Variants in CD3E observed in about 807,000 individuals in gnomAD.
The protein encoded by CD3E is CD3 epsilon subunit of T-cell receptor complex, also known as T-cell surface glycoprotein CD3 epsilon chain.
Under a neutral mutation model 34.7 loss-of-function variants are expected in CD3E, and 16 were observed. The ratio of observed to expected loss-of-function variants is 0.46; its 90% CI spans 0.31 to 0.70. The LOEUF is 0.70. Among genes scored for constraint, CD3E ranks in the 30% least tolerant of loss-of-function variants. CD3E has a pLI of 0.05. For missense variants in CD3E, 223 were observed against 253.9 expected (o/e 0.88, Z 0.83); for synonymous variants, 70 against 90.8 (o/e 0.77, Z 1.30).
At chr11:118,307,039 A>C (rs1267417227) in intron 2 of CD3E, among the ~76,000 whole-genome samples, 1 of 152,132 alleles carries the variant, frequency 6.6e-6, no homozygotes, top group African/African-American at 2.4e-5. Flanking sequence ...CTTGTCAAAA[A>C]TTGTGGGCTC....
chr11:118,307,346 AC>A, intron 3 of CD3E, 38 bp downstream of exon 3: 1 of 1,571,248 alleles, frequency 6.4e-7, no homozygotes, highest in Non-Finnish European at 8.7e-7. Context: ...TTATGAAATC[AC>A]CCCATCATTC....
At chr11:118,309,379 C>T (rs766218309) in intron 4 of CD3E, among the ~76,000 whole-genome samples, 2 of 152,080 alleles carry the variant, frequency 1.3e-5, no homozygotes, top group Non-Finnish European at 2.9e-5. Flanking sequence ...AGTTCGAGAC[C>T]GGCCTGGCCA....
At chr11:118,311,929 A>G (rs1315034815) in intron 4 of CD3E, among the ~76,000 whole-genome samples, 1 of 152,178 alleles carries the variant, frequency 6.6e-6, no homozygotes, top group African/African-American at 2.4e-5. Context: ...TCTGAATCCG[A>G]TGTATCTGAG....
chr11:118,314,983 AC>A (rs1948158222), intron 8 of CD3E, among the ~76,000 whole-genome samples: 2 of 151,276 alleles, frequency 1.3e-5, no homozygotes, highest in African/African-American at 4.9e-5. Context: ...ACACACACAC[AC>A]ACACACACAC....
intron 4 of CD3E, among the ~76,000 whole-genome samples, chr11:118,309,975 C>T (rs1489452038): frequency 6.6e-6 from 1 of 151,986 alleles, no homozygotes; most frequent in Non-Finnish European, 1.5e-5. Context: ...AGAGAAAGAC[C>T]CTGTCTCTGA....
chr11:118,314,142 G>A (rs979445556), intron 7 of CD3E, among the ~76,000 whole-genome samples: 5 of 152,178 alleles, frequency 3.3e-5, no homozygotes, highest in East Asian at 1.9e-4. Flanking sequence ...ATCCGATTCC[G>A]CCCCTAAGCT....
chr11:118,310,410 A>G (rs1000174656), intron 4 of CD3E, among the ~76,000 whole-genome samples: 3 of 152,240 alleles, frequency 2.0e-5, no homozygotes, highest in African/African-American at 4.8e-5. Flanking sequence ...TTTGCTAAAG[A>G]TAATGGCCTC....
At position 118,308,409 on chromosome 11, in the gene CD3E, T is replaced by C; in HGVS notation, c.71-18T>C. 1 of 1,590,678 alleles carries C rather than the reference T, an allele frequency of 6.3e-7. No homozygotes were observed. Among genetic ancestry groups the C allele is most frequent in the Non-Finnish European group, 8.6e-7 (1 of 1,161,504 alleles). ...CGATAGAAACATTACTAATGGCTTC[T>C]TACTGTTTCCTTTTCAGGTAATGAA... On this transcript the variant is annotated intron_variant, in intron 3 of 8. Coordinates refer to ENST00000361763, the MANE Select transcript of CD3E (RefSeq NM_000733.4).
chr11:118,305,832 T>G (rs1268919926), intron 2 of CD3E, among the ~76,000 whole-genome samples: 1 of 152,216 alleles, frequency 6.6e-6, no homozygotes, highest in Admixed American at 6.5e-5. Flanking sequence ...CTGCACCACA[T>G]GAGGCAAAAT....
chr11:118,315,929 C>T lies in CD3E; in HGVS notation c.*387C>T. 1 of 333,826 alleles carries T rather than the reference C, an allele frequency of 3.0e-6. No individual in the cohort carries two copies. Among genetic ancestry groups the T allele is most frequent in the South Asian group, 2.9e-5 (1 of 35,066 alleles). 20.7% of individuals were successfully genotyped at this position (333,826 alleles called of 1,614,324 possible). A position where few individuals can be genotyped will look rare whatever the true frequency, so the allele number is the denominator to read the frequency against. ...TTCCATCTACTTTTCTATCGCCGTCCCCTTTTGCAGCCCTCTCTGGGGATG... is the reference window on the plus strand; with the variant it reads ...TTCCATCTACTTTTCTATCGCCGTCTCCTTTTGCAGCCCTCTCTGGGGATG... On this transcript the variant is annotated 3_prime_UTR_variant, in exon 9 of 9. Transcript: ENST00000361763.
rs1034474475 is a variant in CD3E at position 118,314,372 on chromosome 11, G to A, written c.521-76G>A. ...AATGGGGTTTGCCATTCTCTATCTG[G>A]GTCTCACTGGCACAGACAGTGCTGC... On this transcript the variant is annotated intron_variant, in intron 7 of 8. Transcript: ENST00000361763. The A allele has an allele frequency of 6.6e-6, 8 of 1,214,420 alleles. No homozygotes were observed. In the East Asian group the frequency reaches 1.9e-4, roughly 29 times the overall value. 75.2% of individuals were successfully genotyped at this position (1,214,420 alleles called of 1,614,324 possible).
intron 3 of CD3E, among the ~76,000 whole-genome samples, chr11:118,308,030 ATGG>A (rs1056058220): frequency 5.5e-4 from 84 of 152,236 alleles, no homozygotes; most frequent in African/African-American, 2.0e-3. Flanking sequence ...TCAGCCAGAC[ATGG>A]TGGTGTACGC....
chr11:118,311,453 G>A (rs1948135202), intron 4 of CD3E, among the ~76,000 whole-genome samples: 2 of 152,170 alleles, frequency 1.3e-5, no homozygotes, highest in African/African-American at 4.8e-5. Context: ...AAAAATAATT[G>A]AGAGCTGATT....
chr11:118,315,610 C>T lies in CD3E; in HGVS notation c.*68C>T. ...CCAGTCCCCCTGCGACTCCCTGTTT[C>T]CTGGGCTAGTCTTGGACCCCACGAG... On this transcript the variant is annotated 3_prime_UTR_variant, in exon 9 of 9. Transcript: ENST00000361763. 2.3e-6 allele frequency: 3 copies of T among 1,331,876 alleles called. No homozygotes were observed. Among genetic ancestry groups the T allele is most frequent in the Non-Finnish European group, 3.2e-6 (3 of 944,298 alleles). The allele number at this position is 1,331,876 out of a possible 1,614,324, so 82.5% of individuals were successfully genotyped here. A position where few individuals can be genotyped will look rare whatever the true frequency, so the allele number is the denominator to read the frequency against.
chr11:118,312,972 T>C (rs535185301), intron 6 of CD3E, 106 bp downstream of exon 6: 2 of 1,268,710 alleles, frequency 1.6e-6, no homozygotes, highest in South Asian at 2.4e-5. Context: ...CCCAGGCGTC[T>C]TTGCGCTTCC....
intron 2 of CD3E, among the ~76,000 whole-genome samples, chr11:118,305,921 T>C (rs1948102859): frequency 6.6e-6 from 1 of 152,162 alleles, no homozygotes; most frequent in South Asian, 2.1e-4. Context: ...ACAGCAACGA[T>C]GTCTCCACTT....
intron 6 of CD3E, chr11:118,313,196 T>G (rs934399025): frequency 5.1e-6 from 2 of 393,258 alleles, no homozygotes; most frequent in African/African-American, 2.0e-5. Context: ...CCTCCAGAGA[T>G]AAATTTTTCA....
intron 4 of CD3E, among the ~76,000 whole-genome samples, chr11:118,309,240 G>A (rs1948123156): frequency 1.3e-5 from 2 of 152,144 alleles, no homozygotes; most frequent in African/African-American, 4.8e-5. Flanking sequence ...AGGACCAAAT[G>A]AGTAATTCAT....
chr11:118,305,739 A>G (rs1005309165), intron 2 of CD3E, among the ~76,000 whole-genome samples: 3 of 152,260 alleles, frequency 2.0e-5, no homozygotes, highest in Non-Finnish European at 4.4e-5. Context: ...TTGATACTCA[A>G]AAAAGTTAAA....
Sources: gnomAD v4.1 joint callset for allele counts (sites outside exome capture counted in the v4.1 genomes callset) on GRCh38, gnomAD v4.1.1 for gene constraint, MANE v1.5 for transcripts, NCBI Gene and HGNC (gene_info 2026-07-23, HGNC 2026-07-21) for gene names.